The following ZSCAN1 variants were observed in gnomAD, a reference collection of about 807,000 sequenced individuals.
ZSCAN1 encodes zinc finger and SCAN domain containing 1.
A neutral mutation model predicts 23.8 loss-of-function variants in ZSCAN1; 23 were observed. That is an observed-to-expected ratio of 0.97 (90% CI 0.70 to 1.37). ZSCAN1 has a LOEUF of 1.37. ZSCAN1 is among the 40% of genes most tolerant of loss of function. The pLI is 0.00. For missense variants in ZSCAN1, 575 were observed against 554.0 expected (o/e 1.04, Z -0.38); for synonymous variants, 236 against 232.3 (o/e 1.02, Z -0.15).
chr19:58,034,858 T>A lies in ZSCAN1; in HGVS notation c.-152+697T>A, dbSNP rs375027083. Among the ~76,000 whole-genome samples the A allele has an allele frequency of 1.7e-4, 25 of 150,220 alleles. 3 individuals carry two copies. The East Asian group carries it at 2.6e-3, about 15-fold the overall frequency. On this transcript the variant is annotated intron_variant, in intron 1 of 5. Coordinates refer to ENST00000282326, the MANE Select transcript of ZSCAN1 (RefSeq NM_182572.4). ...TTCCCCAGCTCGTTTATTATGGAAC[T>A]CCTCCGTGTGGCATCCTAAGCTCCC...
rs987618691 is a variant in ZSCAN1 at position 58,045,855 on chromosome 19, C to T, written c.465+5311C>T. On this transcript the variant is annotated intron_variant, in intron 4 of 5. Coordinates refer to ENST00000282326, the MANE Select transcript of ZSCAN1 (RefSeq NM_182572.4). The surrounding 1 kb of genome is among the most constrained non-coding windows in gnomAD (Gnocchi z 4.3). ...AGCTCCCGGACACCCTCTTGCCAGCCGACCAGCTCAAGTCCACACTGCAGA... is the reference window on the plus strand; with the variant it reads ...AGCTCCCGGACACCCTCTTGCCAGCTGACCAGCTCAAGTCCACACTGCAGA... The T allele has an allele frequency of 1.3e-5, 15 of 1,124,684 alleles. No individual in the cohort carries two copies. The highest frequency in any genetic ancestry group is 7.0e-5 in the East Asian group (3 of 42,722). 69.7% of individuals were successfully genotyped at this position (1,124,684 alleles called of 1,614,324 possible).
At chr19:58,039,306 C>T (rs189114820) in intron 3 of ZSCAN1, among the ~76,000 whole-genome samples, 14 of 152,326 alleles carry the variant, frequency 9.2e-5, no homozygotes, top group African/African-American at 3.4e-4. Context: ...CCATCCCAGC[C>T]CAGAGCCACC....
At chr19:58,038,641 G>T (rs555697892) in intron 3 of ZSCAN1, among the ~76,000 whole-genome samples, 1 of 152,192 alleles carries the variant, frequency 6.6e-6, no homozygotes, top group Non-Finnish European at 1.5e-5. Flanking sequence ...TCTGCATCCC[G>T]ACTCTGGGAG....
At position 58,037,769 on chromosome 19, in the gene ZSCAN1, G is replaced by A; in HGVS notation, c.-68G>A. ...TCTGTCCGCCTGCCACACCGGCTCT[G>A]TCCGGAGCCACTGGGACTCGGGATC... On this transcript the variant is annotated 5_prime_UTR_variant, in exon 3 of 6. Coordinates refer to ENST00000282326, the MANE Select transcript of ZSCAN1 (RefSeq NM_182572.4). The A allele has an allele frequency of 1.4e-6, 2 of 1,431,124 alleles. No homozygotes were observed. Among genetic ancestry groups the A allele is most frequent in the Admixed American group, 5.7e-5 (2 of 35,262 alleles). The allele number at this position is 1,431,124 out of a possible 1,614,324, so 88.7% of individuals were successfully genotyped here. A position where few individuals can be genotyped will look rare whatever the true frequency, so the allele number is the denominator to read the frequency against.
intron 4 of ZSCAN1, chr19:58,044,630 G>A: frequency 1.9e-6 from 2 of 1,061,120 alleles, no homozygotes; most frequent in Non-Finnish European, 2.8e-6. Flanking sequence ...CTGGGCGCCC[G>A]CCAGCCTCCC....
intron 1 of ZSCAN1, among the ~76,000 whole-genome samples, chr19:58,035,214 C>T (rs2073726495): frequency 6.6e-6 from 1 of 151,552 alleles, no homozygotes; most frequent in Non-Finnish European, 1.5e-5. Context: ...CCTCACCAGC[C>T]ATGTAGACCT....
chr19:58,054,031 A>G lies in ZSCAN1; in HGVS notation c.1207A>G (p.Thr403Ala). 1 of 1,522,432 alleles carries G rather than the reference A, an allele frequency of 6.6e-7. No individual in the cohort carries two copies. Among genetic ancestry groups the G allele is most frequent in the African/African-American group, 1.4e-5 (1 of 72,168 alleles). The allele number at this position is 1,522,432 out of a possible 1,614,324, so 94.3% of individuals were successfully genotyped here. A position where few individuals can be genotyped will look rare whatever the true frequency, so the allele number is the denominator to read the frequency against. Residue 403 changes from threonine to alanine, a missense_variant, in exon 6 of 6, where the codon ACG becomes GCG. Coordinates refer to ENST00000282326, the MANE Select transcript of ZSCAN1 (RefSeq NM_182572.4). This position sits in a 1 kb window ranked among gnomAD's most constrained non-coding sequence, Gnocchi z 4.2. Reference sequence around the variant, plus strand: ...CCTCATTGACCACCAGAAGCTCCACACGGCCCACGGCCACATGTGAATGGC... The same window carrying G: ...CCTCATTGACCACCAGAAGCTCCACGCGGCCCACGGCCACATGTGAATGGC... ...VHLIDHQKLH[T>A]AHGHM
Position 58,054,433 on chromosome 19 carries a change from T to G in ZSCAN1, c.*382T>G. 1 of 175,150 alleles carries G rather than the reference T, an allele frequency of 5.7e-6. No homozygotes were observed. The highest frequency in any genetic ancestry group is 1.6e-4 in the East Asian group (1 of 6,320). 10.8% of individuals were successfully genotyped at this position (175,150 alleles called of 1,614,324 possible). Reference sequence around the variant, plus strand: ...GTTTTCATTTCACTGTGGATATCCCTGAGGCCATGAGGGTGGGAGCCGGCC... The same window carrying G: ...GTTTTCATTTCACTGTGGATATCCCGGAGGCCATGAGGGTGGGAGCCGGCC... On this transcript the variant is annotated 3_prime_UTR_variant, in exon 6 of 6. Transcript: ENST00000282326. The surrounding 1 kb of genome is among the most constrained non-coding windows in gnomAD (Gnocchi z 4.2).
intron 1 of ZSCAN1, among the ~76,000 whole-genome samples, chr19:58,034,414 G>A (rs2073717992): frequency 6.6e-6 from 1 of 151,836 alleles, no homozygotes; most frequent in South Asian, 2.1e-4. Flanking sequence ...GGGACTGGGG[G>A]GGCTGGGGCC....
intron 4 of ZSCAN1, among the ~76,000 whole-genome samples, chr19:58,052,062 G>A (rs949572281): frequency 6.6e-6 from 1 of 152,264 alleles, no homozygotes; most frequent in Non-Finnish European, 1.5e-5. Context: ...CTTGGGGGAC[G>A]GGAGTTAGGA....
intron 3 of ZSCAN1, chr19:58,038,504 C>G (rs1258164033): frequency 5.3e-6 from 3 of 563,100 alleles, no homozygotes; most frequent in East Asian, 3.0e-5. Context: ...CTGGGAAGGA[C>G]GCTGCCTCGC....
intron 3 of ZSCAN1, among the ~76,000 whole-genome samples, chr19:58,039,151 G>T (rs1440460920): frequency 6.6e-6 from 1 of 152,246 alleles, no homozygotes; most frequent in Non-Finnish European, 1.5e-5. Context: ...ACTTAGGAAA[G>T]CTGTGACAGC....
chr19:58,037,961 GGCAGTTCCAGTACCACGTGGCGA>G lies in ZSCAN1; in HGVS notation c.128_150del (p.Gln43ArgfsTer90), dbSNP rs748593284. 2.5e-6 allele frequency: 4 copies of G among 1,605,130 alleles called. No homozygotes were observed. Among genetic ancestry groups the G allele is most frequent in the Non-Finnish European group, 3.4e-6 (4 of 1,179,316 alleles). On this transcript the variant is annotated frameshift_variant, in exon 3 of 6. Coordinates refer to ENST00000282326, the MANE Select transcript of ZSCAN1 (RefSeq NM_182572.4). LOFTEE classifies it high-confidence loss of function. ...ACCGAAGCCCAGCGTCTGCGCTTCC[GGCAGTTCCAGTACCACGTGGCGA>G]GCGGGCCGCACCTCGCGCTGGGCCA...
chr19:58,038,491 T>TC lies in ZSCAN1; in HGVS notation c.370+286dup, dbSNP rs1177982887. On this transcript the variant is annotated intron_variant, in intron 3 of 5. Coordinates refer to ENST00000282326, the MANE Select transcript of ZSCAN1 (RefSeq NM_182572.4). ...TGTGTCTGCTGCTCCTCACGGCTGC[T>TC]CTCTGGGAAGGACGCTGCCTCGCCA... 5.3e-6 allele frequency: 3 copies of TC among 570,690 alleles called. No individual in the cohort carries two copies. The African/African-American group carries it at 5.8e-5, about 11-fold the overall frequency. 35.4% of individuals were successfully genotyped at this position (570,690 alleles called of 1,614,324 possible). A position where few individuals can be genotyped will look rare whatever the true frequency, so the allele number is the denominator to read the frequency against.
At chr19:58,054,951 T>C (rs1486970830), downstream of ZSCAN1, among the ~76,000 whole-genome samples, 1 of 152,104 alleles carries the variant, frequency 6.6e-6, no homozygotes, top group Non-Finnish European at 1.5e-5. This position sits in a 1 kb window ranked among gnomAD's most constrained non-coding sequence, Gnocchi z 4.2. Context: ...TGGGCCCGCC[T>C]CTCCTGCTAG....
intron 4 of ZSCAN1, among the ~76,000 whole-genome samples, chr19:58,041,134 C>CAT (rs1196855863): frequency 1.3e-5 from 2 of 152,258 alleles, no homozygotes; most frequent in East Asian, 3.8e-4. Context: ...AAGTGAGTAG[C>CAT]ATGTGTTCGT....
chr19:58,045,427 C>A lies in ZSCAN1; in HGVS notation c.465+4883C>A. 1.9e-6 allele frequency: 2 copies of A among 1,060,208 alleles called. No individual in the cohort carries two copies. Among genetic ancestry groups the A allele is most frequent in the Non-Finnish European group, 3.0e-6 (2 of 673,746 alleles). 65.7% of individuals were successfully genotyped at this position (1,060,208 alleles called of 1,614,324 possible). ...AAGAACGAGGCAGCCAAGGGCAGTG[C>A]CACCAAAGACTTCTCTGTGTTTTTC... On this transcript the variant is annotated intron_variant, in intron 4 of 5. Coordinates refer to ENST00000282326, the MANE Select transcript of ZSCAN1 (RefSeq NM_182572.4). The surrounding 1 kb of genome is among the most constrained non-coding windows in gnomAD (Gnocchi z 4.3).
intron 4 of ZSCAN1, 128 bp from the exon 5 acceptor site, chr19:58,052,362 C>A: frequency 6.9e-7 from 1 of 1,456,388 alleles, no homozygotes; most frequent in Non-Finnish European, 9.4e-7. Flanking sequence ...GAACAACAGG[C>A]GCGACACCGC....
chr19:58,036,813 C>T (rs1020980340), intron 2 of ZSCAN1, among the ~76,000 whole-genome samples: 2 of 152,000 alleles, frequency 1.3e-5, no homozygotes, highest in African/African-American at 4.8e-5. Context: ...CAGCCTCCCA[C>T]GTAGCTGGGA....
Sources: allele counts gnomAD v4.1 joint callset (sites outside exome capture counted in the v4.1 genomes callset), GRCh38; gene constraint gnomAD v4.1.1; non-coding constraint Gnocchi (gnomAD v3.1); transcripts MANE v1.5; gene names NCBI Gene and HGNC (gene_info 2026-07-23, HGNC 2026-07-21).